Variants in HTT observed in about 807,000 individuals in gnomAD.
HTT encodes the protein huntington disease protein.
In HTT, 104 loss-of-function variants were observed where a neutral mutation model predicts 362.3. The observed-to-expected ratio is 0.29, with a 90% confidence interval of 0.24 to 0.34. The LOEUF (loss-of-function observed/expected upper bound fraction) is 0.34, where lower values mean the gene tolerates loss of function less well. Ranked by LOEUF, HTT falls within the 10% of genes least tolerant of loss-of-function variation. The pLI, the probability that HTT is intolerant of heterozygous loss-of-function variation, is 1.00. For synonymous variants in HTT, 1,577 were observed against 1,548.7 expected (o/e 1.02, Z -0.43); for missense variants, 3,301 against 3,928.6 (o/e 0.84, Z 4.27).
intron 26 of HTT, among the ~76,000 whole-genome samples, chr4:3,152,054 A>C (rs1280507498): frequency 1.3e-5 from 2 of 151,878 alleles, no homozygotes; most frequent in African/African-American, 4.8e-5. Flanking sequence ...CAGCCTTCTC[A>C]GTAGTTGGGA....
At chr4:3,225,807 C>A in intron 57 of HTT, 64 bp downstream of exon 57, 1 of 1,214,892 alleles carries the variant, frequency 8.2e-7, no homozygotes, top group Non-Finnish European at 1.2e-6. Flanking sequence ...TGGCGCTTGA[C>A]ACACCCAGGA....
At chr4:3,086,497 G>A (rs1437691181) in intron 1 of HTT, among the ~76,000 whole-genome samples, 1 of 152,218 alleles carries the variant, frequency 6.6e-6, no homozygotes, top group South Asian at 2.1e-4. Context: ...GTGAGGCCCC[G>A]TCTCTACAAA....
chr4:3,075,228 A>C (rs10006977), intron 1 of HTT, 140 bp downstream of exon 1: 21,635 of 833,676 alleles, frequency 0.026, 338 homozygotes, highest in Middle Eastern at 0.058. Context: ...CCCAGAGCCC[A>C]TGAGGGACAC....
rs375913560 is a variant in HTT, at chr4:3,217,865, G to A, written c.7155G>A (p.Pro2385=). ...ALGHKRNSGV[P]AFLTPLLRNI... ...GTCATAAAAGGAATAGCGGCGTGCC[G>A]GCGTTTCTCACGCCATTGCTAAGGA... is the stretch of plus-strand genomic sequence containing the variant. Residue 2385 remains proline (P), a synonymous_variant, in exon 52 of 67, where the codon CCG becomes CCA. Transcript: ENST00000355072. The A allele has an allele frequency of 1.3e-5, 21 of 1,614,062 alleles. No individual in the cohort carries two copies. Among genetic ancestry groups the A allele is most frequent in the African/African-American group, 4.0e-5 (3 of 74,940 alleles).
rs201094471 is a variant in HTT, at chr4:3,206,845, G to C, written c.5937G>C (p.Gly1979=). 1.2e-6 allele frequency: 2 copies of C among 1,611,424 alleles called. No homozygotes were observed. The highest frequency in any genetic ancestry group is 1.7e-6 in the Non-Finnish European group (2 of 1,178,126). The change falls in exon 44 of 67, where the codon GGG becomes GGC. Residue 1979 remains glycine (G), a synonymous_variant. Coordinates refer to ENST00000355072, the MANE Select transcript of HTT (RefSeq NM_001388492.1). The surrounding 1 kb of genome is among the most constrained non-coding windows in gnomAD (Gnocchi z 4.6). ...MLKKTLQCLE[G]IHLSQSGAVL... is the part of the protein sequence containing the mutation. ...AGAAAACTCTTCAGTGCTTGGAGGG[G>C]ATCCATCTCAGCCAGTCGGGAGCTG...
intron 37 of HTT, 77 bp from the exon 38 acceptor site, chr4:3,186,520 A>C (rs1034950854): frequency 1.3e-6 from 2 of 1,521,844 alleles, no homozygotes; most frequent in Non-Finnish European, 1.8e-6. Flanking sequence ...TTTGCCCTTG[A>C]GTTACATAGC....
At chr4:3,139,935 G>T (rs1412439130) in intron 21 of HTT, among the ~76,000 whole-genome samples, 1 of 152,156 alleles carries the variant, frequency 6.6e-6, no homozygotes, top group East Asian at 1.9e-4. Flanking sequence ...AATAGAAAGG[G>T]ATTAAATTTT....
intron 37 of HTT, among the ~76,000 whole-genome samples, chr4:3,184,946 T>A (rs1177746129): frequency 1.3e-5 from 2 of 152,054 alleles, no homozygotes; most frequent in Non-Finnish European, 2.9e-5. Flanking sequence ...AGATTTTTTT[T>A]AAGGCATTTT....
intron 1 of HTT, among the ~76,000 whole-genome samples, chr4:3,083,530 T>TATATATATACACACAC (rs1165543364): frequency 8.8e-5 from 11 of 125,126 alleles, no homozygotes; most frequent in Admixed American, 2.6e-4. Flanking sequence ...TCTCTAAATA[T>TATATATATACACACAC]ACACACACAC....
At chr4:3,096,278 A>G (rs1713852100) in intron 2 of HTT, among the ~76,000 whole-genome samples, 1 of 152,238 alleles carries the variant, frequency 6.6e-6, no homozygotes, top group Non-Finnish European at 1.5e-5. Context: ...CCACAGTGAT[A>G]GAGATTTCAG....
At chr4:3,085,000 C>T (rs1299360015) in intron 1 of HTT, among the ~76,000 whole-genome samples, 1 of 149,484 alleles carries the variant, frequency 6.7e-6, no homozygotes, top group Non-Finnish European at 1.5e-5. Context: ...GGCGACAGAG[C>T]AAGACTCCGT....
intron 40 of HTT, among the ~76,000 whole-genome samples, chr4:3,190,619 C>G (rs1018819140): frequency 6.6e-6 from 1 of 151,252 alleles, no homozygotes; most frequent in African/African-American, 2.4e-5. Context: ...TGAGCCTGAG[C>G]CCAGGAGGTC....
At chr4:3,094,309 C>G (rs1713699320) in intron 2 of HTT, among the ~76,000 whole-genome samples, 1 of 152,220 alleles carries the variant, frequency 6.6e-6, no homozygotes, top group Non-Finnish European at 1.5e-5. Context: ...TGTCCTATGT[C>G]TACTTCTTTC....
intron 35 of HTT, 145 bp downstream of exon 35, chr4:3,178,591 G>T: frequency 3.0e-6 from 2 of 660,238 alleles, no homozygotes; most frequent in South Asian, 2.1e-5. Flanking sequence ...TGAAGGTACT[G>T]GTTAGAGACG....
rs558268347 is a variant in HTT at position 3,152,664 on chromosome 4, A to G, written c.3499-1629A>G. On this transcript the variant is annotated intron_variant, in intron 26 of 66. Coordinates refer to ENST00000355072, the MANE Select transcript of HTT (RefSeq NM_001388492.1). Reference sequence around the variant, plus strand: ...AGTGAGCTTGTGACTGGTGCCTTCTACCAAGCAGGGTTTTCAGTGTAGCAG... The same window carrying G: ...AGTGAGCTTGTGACTGGTGCCTTCTGCCAAGCAGGGTTTTCAGTGTAGCAG... Among the ~76,000 whole-genome samples, 9 of 151,238 alleles carry G rather than the reference A, an allele frequency of 6.0e-5. No individual in the cohort carries two copies. In the South Asian group the frequency reaches 1.7e-3, roughly 28 times the overall value.
intron 29 of HTT, among the ~76,000 whole-genome samples, chr4:3,166,392 G>T (rs1038178463): frequency 6.6e-5 from 10 of 152,200 alleles, no homozygotes; most frequent in Non-Finnish European, 1.3e-4. Flanking sequence ...CCCACTTGAG[G>T]CAGTCTGTTC....
intron 8 of HTT, among the ~76,000 whole-genome samples, chr4:3,119,412 G>A (rs377282830): frequency 1.3e-5 from 2 of 152,146 alleles, no homozygotes; most frequent in African/African-American, 4.8e-5. Context: ...CATTAACCTT[G>A]GGACATTCTC....
At chr4:3,127,891 G>C (rs1209679870) in intron 12 of HTT, among the ~76,000 whole-genome samples, 1 of 151,820 alleles carries the variant, frequency 6.6e-6, no homozygotes, top group Non-Finnish European at 1.5e-5. Flanking sequence ...TTGAGCCTGG[G>C]AGGCAGAGGT....
chr4:3,185,317 A>C (rs1413617441), intron 37 of HTT, among the ~76,000 whole-genome samples: 1 of 152,134 alleles, frequency 6.6e-6, no homozygotes, highest in Non-Finnish European at 1.5e-5. Context: ...ATGACAGAGC[A>C]CTGTGGGTTC....
Sources: allele counts gnomAD v4.1 joint callset (sites outside exome capture counted in the v4.1 genomes callset), GRCh38; gene constraint gnomAD v4.1.1; non-coding constraint Gnocchi (gnomAD v3.1); transcripts MANE v1.5; gene names NCBI Gene and HGNC (gene_info 2026-07-23, HGNC 2026-07-21).